XKR4: variants seen among roughly 807,000 people sequenced by gnomAD.
XKR4 encodes XK related 4.
A neutral mutation model predicts 53.9 loss-of-function variants in XKR4; 12 were observed. That is an observed-to-expected ratio of 0.22 (90% confidence interval 0.14 to 0.36). The LOEUF (loss-of-function observed/expected upper bound fraction) is 0.36. XKR4 is among the 10% of genes least tolerant of loss of function. XKR4 has a pLI of 1.00. For synonymous variants in XKR4, 354 were observed against 362.4 expected, an observed-to-expected ratio of 0.98 and a Z score of 0.26; for missense variants, 799 against 859.5, an observed-to-expected ratio of 0.93 and a Z score of 0.88.
chr8:55,378,059 A>G (rs7846245), intron 2 of XKR4, among the ~76,000 whole-genome samples: 6,685 of 152,282 alleles, frequency 0.044, 445 homozygotes, highest in African/African-American at 0.15. Context: ...GCTTGAGTAC[A>G]AATGTTTTTG....
At chr8:55,370,907 G>A (rs746440928) in intron 2 of XKR4, among the ~76,000 whole-genome samples, 7 of 151,958 alleles carry the variant, frequency 4.6e-5, no homozygotes, top group African/African-American at 7.3e-5. Flanking sequence ...AAGAATGGAC[G>A]CCTGGTATGT....
At chr8:55,221,733 C>T (rs1468097025) in intron 1 of XKR4, among the ~76,000 whole-genome samples, 1 of 152,212 alleles carries the variant, frequency 6.6e-6, no homozygotes, top group Non-Finnish European at 1.5e-5. Context: ...TCTAGTGCCA[C>T]AGTGCCTCAC....
intron 2 of XKR4, chr8:55,449,773 C>G (rs758329619): frequency 1.8e-5 from 21 of 1,170,910 alleles, no homozygotes; most frequent in Non-Finnish European, 2.4e-5. Flanking sequence ...CTAACATGAA[C>G]CAGCGGGCCT....
chr8:55,159,919 G>A (rs1816961910), intron 1 of XKR4, among the ~76,000 whole-genome samples: 1 of 152,156 alleles, frequency 6.6e-6, no homozygotes, highest in African/African-American at 2.4e-5. Flanking sequence ...ATGATGCTAG[G>A]GATGGTTCTT....
rs376027723 is a variant in XKR4, at chr8:55,524,053, A to C, written c.1779A>C (p.Ser593=). 1 of 1,614,256 alleles carries C rather than the reference A, an allele frequency of 6.2e-7. No individual in the cohort carries two copies. The highest frequency in any genetic ancestry group is 1.3e-5 in the African/African-American group (1 of 75,072). The change falls in exon 3 of 3, where the codon TCA becomes TCC. Residue 593 remains serine, a synonymous_variant. Coordinates refer to ENST00000327381, the MANE Select transcript of XKR4 (RefSeq NM_052898.2). ...CTCGCCCACCACGGATTGAAGAATC[A>C]GTCATTAAAATTGACTTGTTCAGGA... ...PSSRPPRIEE[S]VIKIDLFRNR... is the part of the protein sequence containing the mutation.
At chr8:55,186,657 A>AAAAT (rs992980742) in intron 1 of XKR4, among the ~76,000 whole-genome samples, 11 of 152,244 alleles carry the variant, frequency 7.2e-5, no homozygotes, top group African/African-American at 1.4e-4. Context: ...CTCCGTCTCA[A>AAAAT]AAATAAATAA....
chr8:55,441,916 AAGTT>A (rs1805274981), intron 2 of XKR4, among the ~76,000 whole-genome samples: 1 of 152,078 alleles, frequency 6.6e-6, no homozygotes, highest in Admixed American at 6.5e-5. Context: ...GAAAGACTCA[AAGTT>A]AGTGAGTTTG....
chr8:55,422,019 T>G (rs1201704356), intron 2 of XKR4, among the ~76,000 whole-genome samples: 2 of 152,226 alleles, frequency 1.3e-5, no homozygotes, highest in African/African-American at 2.4e-5. Context: ...TCCCATGAGC[T>G]TTAAGGCATA....
intron 2 of XKR4, among the ~76,000 whole-genome samples, chr8:55,517,939 C>T (rs1317788677): frequency 6.6e-6 from 1 of 152,174 alleles, no homozygotes; most frequent in Non-Finnish European, 1.5e-5. Context: ...GAGCCCTTCT[C>T]ACCAGCTGCA....
chr8:55,523,461 T>C lies in XKR4; in HGVS notation c.1187T>C (p.Val396Ala). 2 of 1,614,164 alleles carry C rather than the reference T, an allele frequency of 1.2e-6. No homozygotes were observed. The highest frequency in any genetic ancestry group is 8.5e-7 in the Non-Finnish European group (1 of 1,180,040). Reference protein sequence around the residue: ...RVITFALFASVFQLYFGIFIV... With the variant: ...RVITFALFASAFQLYFGIFIV... ...ATCACGTTTGCCCTCTTTGCCTCGG[T>C]TTTCCAGCTGTACTTTGGGATCTTC... Residue 396 changes from valine (V) to alanine (A), a missense_variant, in exon 3 of 3, where the codon GTT (valine) becomes GCT (alanine). This residue lies in a region of XKR4 where 54 missense variants were observed against 89.7 expected (regional missense o/e 0.60). Transcript: ENST00000327381.
chr8:55,350,367 T>C (rs1479695218), intron 1 of XKR4, among the ~76,000 whole-genome samples: 1 of 152,184 alleles, frequency 6.6e-6, no homozygotes, highest in East Asian at 1.9e-4. Context: ...CTAGAATATT[T>C]TCCTGTGTCA....
At chr8:55,432,453 C>T (rs1805116962) in intron 2 of XKR4, among the ~76,000 whole-genome samples, 1 of 152,180 alleles carries the variant, frequency 6.6e-6, no homozygotes, top group South Asian at 2.1e-4. Context: ...AGTAAACAGC[C>T]TCCTCCCTGT....
At chr8:55,253,946 C>T (rs1818397628) in intron 1 of XKR4, among the ~76,000 whole-genome samples, 1 of 151,858 alleles carries the variant, frequency 6.6e-6, no homozygotes, top group South Asian at 2.1e-4. Context: ...GTCTCAAACT[C>T]CTGAGTGTAA....
At chr8:55,487,430 C>T (rs928038080) in intron 2 of XKR4, among the ~76,000 whole-genome samples, 21 of 151,740 alleles carry the variant, frequency 1.4e-4, no homozygotes, top group Non-Finnish European at 1.5e-5. Context: ...CAGACACACC[C>T]AAAATAATGC....
At chr8:55,133,383 G>T (rs1816584203) in intron 1 of XKR4, among the ~76,000 whole-genome samples, 2 of 152,338 alleles carry the variant, frequency 1.3e-5, no homozygotes, top group Admixed American at 1.3e-4. Context: ...AGACATGTGA[G>T]TCTACCCAAG....
intron 2 of XKR4, among the ~76,000 whole-genome samples, chr8:55,437,428 CAGTCT>C (rs1218372373): frequency 6.6e-6 from 1 of 152,154 alleles, no homozygotes; most frequent in Non-Finnish European, 1.5e-5. Flanking sequence ...ATACAGCTGA[CAGTCT>C]AGGGATTCTG....
intron 1 of XKR4, among the ~76,000 whole-genome samples, chr8:55,314,285 C>T (rs1006116132): frequency 6.6e-6 from 1 of 152,142 alleles, no homozygotes; most frequent in Non-Finnish European, 1.5e-5. Context: ...GATGTTGTTC[C>T]CTGTACCAGT....
At chr8:55,239,291 G>A (rs1029306930) in intron 1 of XKR4, among the ~76,000 whole-genome samples, 2 of 152,146 alleles carry the variant, frequency 1.3e-5, no homozygotes, top group South Asian at 4.1e-4. Context: ...GTTTGGTCAC[G>A]GGTGATAGCT....
At chr8:55,319,907 A>G (rs914834112) in intron 1 of XKR4, among the ~76,000 whole-genome samples, 8 of 152,318 alleles carry the variant, frequency 5.3e-5, no homozygotes, top group African/African-American at 1.9e-4. Flanking sequence ...ACTTTTTAGC[A>G]AAGAGTGTGG....
Sources: gnomAD v4.1 joint callset for allele counts (sites outside exome capture counted in the v4.1 genomes callset) on GRCh38, gnomAD v4.1.1 for gene constraint, gnomAD v4.1.1 regional missense constraint, MANE v1.5 for transcripts, NCBI Gene and HGNC (gene_info 2026-07-23, HGNC 2026-07-21) for gene names.